The following RPS6KA2 variants were observed in gnomAD, a reference collection of about 807,000 sequenced individuals.
The protein encoded by RPS6KA2 is ribosomal protein S6 kinase A2.
RPS6KA2 carries 42 observed loss-of-function variants against 91.8 expected under a neutral mutation model. The observed-to-expected ratio is 0.46, with a 90% CI of 0.36 to 0.59. The LOEUF is 0.59. Ranked by LOEUF, RPS6KA2 falls within the 20% of genes least tolerant of loss-of-function variation. The pLI is 0.00. For synonymous variants in RPS6KA2, 414 were observed against 393.6 expected, an observed-to-expected ratio of 1.05 and a Z score of -0.61; for missense variants, 798 against 978.5, an observed-to-expected ratio of 0.82 and a Z score of 2.46.
At position 166,445,495 on chromosome 6, in the gene RPS6KA2, C is replaced by T. The variant is rs1478463833; in HGVS notation, c.1332+3229G>A. 6.6e-6 allele frequency among the ~76,000 whole-genome samples: 1 copy of T among 152,182 alleles called. No individual in the cohort carries two copies. Among genetic ancestry groups the T allele is most frequent in the Admixed American group, 6.5e-5 (1 of 15,288 alleles). Reference sequence around the variant, plus strand: ...AGGATGCTAACCAGCTTCCCTGACCCGTATTCACCAATGCCAGGAGCCCCT... The same window carrying T: ...AGGATGCTAACCAGCTTCCCTGACCTGTATTCACCAATGCCAGGAGCCCCT... On this transcript the variant is annotated intron_variant, in intron 14 of 20. Coordinates refer to ENST00000265678, the MANE Select transcript of RPS6KA2 (RefSeq NM_021135.6). The surrounding 1 kb of genome is among the most constrained non-coding windows in gnomAD (Gnocchi z 4.5).
intron 3 of RPS6KA2, among the ~76,000 whole-genome samples, chr6:166,526,341 C>CTTTTTT (rs10616497): frequency 6.1e-4 from 62 of 101,864 alleles, no homozygotes; most frequent in Non-Finnish European, 8.4e-4. Context: ...GTTTATATGG[C>CTTTTTT]TTTTTTTTTT....
intron 2 of RPS6KA2, among the ~76,000 whole-genome samples, chr6:166,752,718 T>C (rs1777885614): frequency 6.6e-6 from 1 of 152,210 alleles, no homozygotes; most frequent in Admixed American, 6.5e-5. Flanking sequence ...GATCACAACC[T>C]GGTTCTCCCA....
chr6:166,435,186 A>G lies in RPS6KA2; in HGVS notation c.1333-2696T>C, dbSNP rs1480593553. On this transcript the variant is annotated intron_variant, in intron 14 of 20. Transcript: ENST00000265678. This position sits in a 1 kb window ranked among gnomAD's most constrained non-coding sequence, Gnocchi z 4.3. ...GGCTGCCCTCTCAACCCTAGTATCT[A>G]TTTTATTTCTATGTGTTCTTTTGTT... 6.6e-6 allele frequency among the ~76,000 whole-genome samples: 1 copy of G among 152,172 alleles called. No homozygotes were observed. The highest frequency in any genetic ancestry group is 6.5e-5 in the Admixed American group (1 of 15,276).
chr6:166,854,046 G>A (rs982695080), intron 2 of RPS6KA2, among the ~76,000 whole-genome samples: 4 of 152,216 alleles, frequency 2.6e-5, no homozygotes, highest in African/African-American at 9.7e-5. Context: ...GCTGGGTTTT[G>A]TGGTTGTTGT....
intron 2 of RPS6KA2, among the ~76,000 whole-genome samples, chr6:166,836,134 C>T (rs1379348548): frequency 2.6e-5 from 4 of 151,960 alleles, no homozygotes; most frequent in African/African-American, 9.7e-5. Flanking sequence ...CTAATATTTT[C>T]CTAAGGAAAA....
intron 1 of RPS6KA2, among the ~76,000 whole-genome samples, chr6:166,598,315 C>T (rs3799593): frequency 0.1 from 15,728 of 152,146 alleles, 880 homozygotes; most frequent in East Asian, 0.26. Context: ...AGGAATCCCT[C>T]CAAAAGGCAA....
rs1784102446 is a variant in RPS6KA2, at chr6:166,554,050, C to A, written c.100-15266G>T. Among the ~76,000 whole-genome samples the A allele has an allele frequency of 6.6e-6, 1 of 152,134 alleles. No individual in the cohort carries two copies. The highest frequency in any genetic ancestry group is 1.5e-5 in the Non-Finnish European group (1 of 68,024). ...GCAGTGGCTGGAAACTGCACCAAAC[C>A]CTGTGTGTGTATCTGTCTATCTGTC... On this transcript the variant is annotated intron_variant, in intron 1 of 20. Transcript: ENST00000265678. The surrounding 1 kb of genome is among the most constrained non-coding windows in gnomAD (Gnocchi z 4.3).
Position 166,418,184 on chromosome 6 carries a change from G to T in RPS6KA2, c.1938+41C>A. 1 of 1,325,922 alleles carries T rather than the reference G, an allele frequency of 7.5e-7. No homozygotes were observed. The highest frequency in any genetic ancestry group is 1.1e-6 in the Non-Finnish European group (1 of 927,860). The allele number at this position is 1,325,922 out of a possible 1,614,324, so 82.1% of individuals were successfully genotyped here. On this transcript the variant is annotated intron_variant, in intron 19 of 20. Transcript: ENST00000265678. This position sits in a 1 kb window ranked among gnomAD's most constrained non-coding sequence, Gnocchi z 4.9. ...CCTCAGAAATCATATGGCTATTTCAGAATCTGAATATTTAAAAGCAACGCT... is the reference window on the plus strand; with the variant it reads ...CCTCAGAAATCATATGGCTATTTCATAATCTGAATATTTAAAAGCAACGCT...
chr6:166,617,260 C>CTAT (rs1350598332), intron 1 of RPS6KA2, among the ~76,000 whole-genome samples: 17 of 152,312 alleles, frequency 1.1e-4, no homozygotes, highest in African/African-American at 4.1e-4. Context: ...TCCTGTTTTT[C>CTAT]TATTTCTTAA....
intron 1 of RPS6KA2, among the ~76,000 whole-genome samples, chr6:166,595,059 T>G (rs1442496472): frequency 1.6e-5 from 2 of 124,462 alleles, no homozygotes; most frequent in Admixed American, 9.0e-5. Flanking sequence ...AATTTTTTTT[T>G]GTTTTTTTTT....
In RPS6KA2 at chr6:166,437,199, A is replaced by G. The variant is rs1459135060; in HGVS notation, c.1333-4709T>C. On this transcript the variant is annotated intron_variant, in intron 14 of 20. Coordinates refer to ENST00000265678, the MANE Select transcript of RPS6KA2 (RefSeq NM_021135.6). This position sits in a 1 kb window ranked among gnomAD's most constrained non-coding sequence, Gnocchi z 4.3. The stretch of plus-strand genomic sequence containing the variant: ...CCGGGGTTTGGACACACTGTTTAGG[A>G]GCACCAGGGAGTGGGCCCCAAGTGC... Among the ~76,000 whole-genome samples the G allele has an allele frequency of 1.3e-5, 2 of 151,976 alleles. No individual in the cohort carries two copies. The highest frequency in any genetic ancestry group is 2.9e-5 in the Non-Finnish European group (2 of 68,006).
rs945540350 is a variant in RPS6KA2, at chr6:166,554,313, T to A, written c.100-15529A>T. On this transcript the variant is annotated intron_variant, in intron 1 of 20. Coordinates refer to ENST00000265678, the MANE Select transcript of RPS6KA2 (RefSeq NM_021135.6). This position sits in a 1 kb window ranked among gnomAD's most constrained non-coding sequence, Gnocchi z 4.3. ...CGTTCGTGAGCATTTTAGCTTCTGT[T>A]TCAAGTCTTAAGACTAACATATTCC... is the stretch of plus-strand genomic sequence containing the variant. Among the ~76,000 whole-genome samples the A allele has an allele frequency of 2.6e-5, 4 of 152,236 alleles. No homozygotes were observed. The highest frequency in any genetic ancestry group is 9.6e-5 in the African/African-American group (4 of 41,460).
In RPS6KA2 at chr6:166,638,821, C is replaced by T. The variant is rs145242256; in HGVS notation, c.124-100037G>A. On this transcript the variant is annotated intron_variant, in intron 2 of 21. Transcript: ENST00000503859. Reference sequence around the variant, plus strand: ...GCACTGCTGAACCCTCTACAGTGTACAGGACAGGCTCATTACCAAGACGTG... The same window carrying T: ...GCACTGCTGAACCCTCTACAGTGTATAGGACAGGCTCATTACCAAGACGTG... Among the ~76,000 whole-genome samples, 314 of 152,246 alleles carry T rather than the reference C, an allele frequency of 2.1e-3. 1 individual carries two copies. Among genetic ancestry groups the T allele is most frequent in the Non-Finnish European group, 2.8e-3 (191 of 68,026 alleles).
chr6:166,466,482 G>A (rs1780527566), intron 11 of RPS6KA2, among the ~76,000 whole-genome samples: 2 of 152,200 alleles, frequency 1.3e-5, no homozygotes, highest in Non-Finnish European at 2.9e-5. Flanking sequence ...GTGTCACCTG[G>A]GGGTTCGGTG....
At chr6:166,525,733 G>A (rs1461269659) in intron 3 of RPS6KA2, among the ~76,000 whole-genome samples, 5 of 152,182 alleles carry the variant, frequency 3.3e-5, no homozygotes, top group African/African-American at 9.7e-5. Flanking sequence ...CTGGACGGCC[G>A]CCTGGGCTTT....
intron 1 of RPS6KA2, among the ~76,000 whole-genome samples, chr6:166,580,997 G>C (rs1016087001): frequency 6.6e-6 from 1 of 152,146 alleles, no homozygotes; most frequent in Non-Finnish European, 1.5e-5. Flanking sequence ...TGCCTCCCAG[G>C]TTCAAGCGAT....
rs1174741783 is a variant in RPS6KA2 at position 166,665,904 on chromosome 6, T to G, written c.124-127120A>C. 6.6e-6 allele frequency among the ~76,000 whole-genome samples: 1 copy of G among 152,190 alleles called. No individual in the cohort carries two copies. Among genetic ancestry groups the G allele is most frequent in the Non-Finnish European group, 1.5e-5 (1 of 68,040 alleles). On this transcript the variant is annotated intron_variant, in intron 2 of 21. Coordinates refer to the RPS6KA2 transcript ENST00000503859. The surrounding 1 kb of genome is among the most constrained non-coding windows in gnomAD (Gnocchi z 4.5). ...CCCAGCCTGCTTCCTGGGCAGGAAA[T>G]TCACATGTGAAATCCAGTTTCTGAG...
chr6:166,501,968 C>T (rs1289599607), intron 6 of RPS6KA2, among the ~76,000 whole-genome samples: 3 of 152,168 alleles, frequency 2.0e-5, no homozygotes, highest in South Asian at 2.1e-4. Flanking sequence ...CGTCCCCAAA[C>T]GACAGGTATT....
chr6:166,415,090 T>C (rs1778452884), intron 19 of RPS6KA2, among the ~76,000 whole-genome samples: 1 of 152,074 alleles, frequency 6.6e-6, no homozygotes, highest in African/African-American at 2.4e-5. Context: ...CAAAAAAGAA[T>C]GCATATAGAA....
Sources: allele counts gnomAD v4.1 joint callset (sites outside exome capture counted in the v4.1 genomes callset), GRCh38; gene constraint gnomAD v4.1.1; non-coding constraint Gnocchi (gnomAD v3.1); transcripts MANE v1.5; gene names NCBI Gene and HGNC (gene_info 2026-07-23, HGNC 2026-07-21).